Variants in MCTP2 observed in about 807,000 individuals in gnomAD.
MCTP2 encodes multiple C2 and transmembrane domain-containing protein 2.
In MCTP2, 132 loss-of-function variants were observed where a neutral mutation model predicts 111.6. The ratio of observed to expected loss-of-function variants is 1.18; its 90% CI spans 1.03 to 1.37. MCTP2 has a LOEUF of 1.37. MCTP2 is among the 40% of genes most tolerant of loss of function. The pLI is 0.00. For missense variants in MCTP2, 1,183 were observed against 1,067.9 expected (o/e 1.11, Z -1.50); for synonymous variants, 395 against 387.7 (o/e 1.02, Z -0.22).
chr15:94,463,225 T>C (rs973725429), intron 20 of MCTP2, among the ~76,000 whole-genome samples: 60 of 152,366 alleles, frequency 3.9e-4, no homozygotes, highest in African/African-American at 1.4e-3. Flanking sequence ...TTTTCTAATA[T>C]ATGAGCTTGT....
chr15:94,340,756 A>G (rs993135842), intron 6 of MCTP2, 57 bp from the exon 7 acceptor site: 2 of 1,038,032 alleles, frequency 1.9e-6, no homozygotes, highest in African/African-American at 3.2e-5. Flanking sequence ...TGATGCGTGT[A>G]GGTCAATACA....
chr15:94,370,028 T>G (rs373461748), intron 11 of MCTP2, 59 bp from the exon 12 acceptor site: 64 of 1,145,068 alleles, frequency 5.6e-5, no homozygotes, highest in Non-Finnish European at 7.9e-5. Flanking sequence ...TAGGACTTTA[T>G]GACATTAAGT....
At chr15:94,310,706 A>G (rs1000519113) in intron 2 of MCTP2, among the ~76,000 whole-genome samples, 9 of 151,016 alleles carry the variant, frequency 6.0e-5, no homozygotes, top group South Asian at 2.1e-4. Flanking sequence ...AAAATATTTC[A>G]TAACATAAAA....
intron 7 of MCTP2, chr15:94,343,172 T>C (rs2077758355): frequency 6.6e-6 from 1 of 152,032 alleles, no homozygotes; most frequent in African/African-American, 2.4e-5. Flanking sequence ...GAATAATTTA[T>C]TCTGGGCCAT....
At chr15:94,458,609 G>T (rs2084988087) in intron 20 of MCTP2, among the ~76,000 whole-genome samples, 1 of 152,146 alleles carries the variant, frequency 6.6e-6, no homozygotes, top group Non-Finnish European at 1.5e-5. Context: ...TTTGCTATCT[G>T]AACCACAGAA....
chr15:94,283,802 C>T (rs901044816), intron 1 of MCTP2, among the ~76,000 whole-genome samples: 7 of 152,140 alleles, frequency 4.6e-5, no homozygotes, highest in African/African-American at 1.4e-4. Flanking sequence ...CTGGTCCCCA[C>T]CTTGAGTATT....
chr15:94,327,756 A>G (rs1596367487), intron 4 of MCTP2, among the ~76,000 whole-genome samples: 1 of 152,270 alleles, frequency 6.6e-6, no homozygotes, highest in East Asian at 1.9e-4. Context: ...TTCCTTTGCC[A>G]CTTGGTACAT....
At chr15:94,245,447 T>C (rs1482443265) in intron 1 of MCTP2, among the ~76,000 whole-genome samples, 12 of 139,576 alleles carry the variant, frequency 8.6e-5, no homozygotes, top group African/African-American at 2.6e-4. Flanking sequence ...TATACACATA[T>C]ATGTATATGT....
chr15:94,335,289 A>C (rs996098389), intron 4 of MCTP2, among the ~76,000 whole-genome samples: 2 of 152,260 alleles, frequency 1.3e-5, no homozygotes, highest in African/African-American at 4.8e-5. Context: ...GTGGTGTAAA[A>C]AAAGAAAAGA....
At chr15:94,427,516 C>G (rs1321855940) in intron 17 of MCTP2, among the ~76,000 whole-genome samples, 1 of 152,104 alleles carries the variant, frequency 6.6e-6, no homozygotes, top group Non-Finnish European at 1.5e-5. Flanking sequence ...AAGTGCCACA[C>G]ACTTTCTAAC....
intron 19 of MCTP2, among the ~76,000 whole-genome samples, chr15:94,447,971 G>T (rs1333178710): frequency 1.3e-5 from 2 of 152,126 alleles, no homozygotes; most frequent in Non-Finnish European, 2.9e-5. Context: ...ATTTAATATG[G>T]TTTTTAGTGA....
chr15:94,342,589 TATACACACA>T (rs765860796), intron 7 of MCTP2: 5 of 136,486 alleles, frequency 3.7e-5, no homozygotes, highest in Non-Finnish European at 7.6e-5. Context: ...TATCCCCATA[TATACACACA>T]CACACACATA....
intron 1 of MCTP2, among the ~76,000 whole-genome samples, chr15:94,293,527 A>C (rs1396085869): frequency 6.6e-6 from 1 of 152,246 alleles, no homozygotes; most frequent in Non-Finnish European, 1.5e-5. Flanking sequence ...CAGTATTATC[A>C]ACTGAAAGGA....
At chr15:94,316,873 T>C (rs1567405314) in intron 4 of MCTP2, among the ~76,000 whole-genome samples, 3 of 152,172 alleles carry the variant, frequency 2.0e-5, no homozygotes, top group South Asian at 2.1e-4. Flanking sequence ...TTTCTCCTGT[T>C]GCTTCCTCTC....
intron 10 of MCTP2, among the ~76,000 whole-genome samples, chr15:94,363,245 C>G (rs1567532100): frequency 6.6e-6 from 1 of 152,078 alleles, no homozygotes; most frequent in Non-Finnish European, 1.5e-5. Context: ...CTTGAGGATT[C>G]AGTGGACAGT....
chr15:94,341,187 C>T, intron 7 of MCTP2: 1 of 382,062 alleles, frequency 2.6e-6, no homozygotes, highest in Admixed American at 4.2e-5. Context: ...TTGGTTTCTT[C>T]TTTCTTCTTT....
chr15:94,401,602 C>T (rs946388496), intron 16 of MCTP2, among the ~76,000 whole-genome samples: 1 of 152,162 alleles, frequency 6.6e-6, no homozygotes, highest in African/African-American at 2.4e-5. Flanking sequence ...CACAAATTCA[C>T]CAACATTAAA....
chr15:94,467,234 G>C (rs559269320), intron 20 of MCTP2, among the ~76,000 whole-genome samples: 1 of 152,110 alleles, frequency 6.6e-6, no homozygotes, highest in African/African-American at 2.4e-5. Flanking sequence ...TTACATTATA[G>C]GCTACAAAGT....
Position 94,326,013 on chromosome 15 carries a change from G to T in MCTP2, c.637+10376G>T, listed in dbSNP as rs187482457. Among the ~76,000 whole-genome samples, 22 of 151,802 alleles carry T rather than the reference G, an allele frequency of 1.4e-4. No individual in the cohort carries two copies. The East Asian group carries it at 2.9e-3, about 20-fold the overall frequency. ...TTTTGTATTTTTAGTAGTGATGGGGGTTTCACCATGTTGGCCAGGATGGTC... is the reference window on the plus strand; with the variant it reads ...TTTTGTATTTTTAGTAGTGATGGGGTTTTCACCATGTTGGCCAGGATGGTC... On this transcript the variant is annotated intron_variant, in intron 4 of 22. Transcript: ENST00000357742.
Sources: gnomAD v4.1 joint callset for allele counts (sites outside exome capture counted in the v4.1 genomes callset) on GRCh38, gnomAD v4.1.1 for gene constraint, MANE v1.5 for transcripts, NCBI Gene and HGNC (gene_info 2026-07-23, HGNC 2026-07-21) for gene names.